The following ZC3H14 variants were observed in gnomAD, a reference collection of about 807,000 sequenced individuals.
ZC3H14 encodes zinc finger CCCH-type containing 14.
In ZC3H14, 31 loss-of-function variants were observed where a neutral mutation model predicts 92.4. The ratio of observed to expected loss-of-function variants is 0.34; its 90% CI spans 0.25 to 0.45. The LOEUF (loss-of-function observed/expected upper bound fraction) is 0.45, where lower values mean the gene tolerates loss of function less well. Ranked by LOEUF, ZC3H14 falls within the 20% of genes least tolerant of loss-of-function variation. The pLI, the probability that ZC3H14 is intolerant of heterozygous loss-of-function variation, is 1.00. For synonymous variants in ZC3H14, 321 were observed against 300.9 expected, an observed-to-expected ratio of 1.07 and a Z score of -0.69; for missense variants, 781 against 897.3, an observed-to-expected ratio of 0.87 and a Z score of 1.66.
At chr14:88,570,360 A>G (rs542551875) in intron 3 of ZC3H14, among the ~76,000 whole-genome samples, 2 of 152,194 alleles carry the variant, frequency 1.3e-5, no homozygotes, top group Non-Finnish European at 2.9e-5. Context: ...ATGTAAGGCA[A>G]AGTACCTCAT....
intron 13 of ZC3H14, chr14:88,608,543 G>A (rs1368170795): frequency 8.0e-6 from 2 of 251,480 alleles, no homozygotes; most frequent in African/African-American, 4.6e-5. Flanking sequence ...GCAAGGGTGG[G>A]GGGGCTTTGT....
At chr14:88,576,030 A>T in intron 8 of ZC3H14, 90 bp downstream of exon 8, 1 of 1,156,828 alleles carries the variant, frequency 8.6e-7, no homozygotes, top group Non-Finnish European at 1.3e-6. Flanking sequence ...ATTGTAAAAT[A>T]AAGGTGCCTG....
At chr14:88,606,402 G>C (rs1273758474) in intron 12 of ZC3H14, among the ~76,000 whole-genome samples, 1 of 152,172 alleles carries the variant, frequency 6.6e-6, no homozygotes, top group Non-Finnish European at 1.5e-5. Flanking sequence ...CAGTCTTGCT[G>C]TTAGGGGAAC....
intron 12 of ZC3H14, among the ~76,000 whole-genome samples, chr14:88,606,425 G>C (rs2085407577): frequency 6.6e-6 from 1 of 152,174 alleles, no homozygotes. Context: ...CCCAGTCTCT[G>C]TAAGTGATGG....
At chr14:88,570,665 G>A (rs908485693) in intron 3 of ZC3H14, among the ~76,000 whole-genome samples, 5 of 152,176 alleles carry the variant, frequency 3.3e-5, no homozygotes, top group Non-Finnish European at 7.3e-5. Context: ...CTGGTCAGAT[G>A]ATATTCTTTC....
At chr14:88,611,704 A>G (rs1302582654) in intron 16 of ZC3H14, 41 bp from the exon 17 acceptor site, 1 of 1,613,552 alleles carries the variant, frequency 6.2e-7, no homozygotes, top group Non-Finnish European at 8.5e-7. Context: ...ATATGGATAC[A>G]AAGCAGATAA....
At position 88,616,162 on chromosome 14, in the gene ZC3H14, A is replaced by T; in HGVS notation, c.*4411A>T. 1 of 1,613,930 alleles carries T rather than the reference A, an allele frequency of 6.2e-7. No homozygotes were observed. Among genetic ancestry groups the T allele is most frequent in the Non-Finnish European group, 8.5e-7 (1 of 1,179,818 alleles). ...CTAACCTGCAGTCATCACCTCCAGCACTAACAACATGTCGATCACCACTGG... is the reference window on the plus strand; with the variant it reads ...CTAACCTGCAGTCATCACCTCCAGCTCTAACAACATGTCGATCACCACTGG... On this transcript the variant is annotated 3_prime_UTR_variant, in exon 17 of 17. Transcript: ENST00000251038.
intron 9 of ZC3H14, among the ~76,000 whole-genome samples, chr14:88,583,595 A>G (rs991692238): frequency 4.6e-5 from 7 of 152,106 alleles, no homozygotes; most frequent in African/African-American, 1.7e-4. Context: ...TGTGTTTTCT[A>G]TACAGTATTT....
intron 9 of ZC3H14, chr14:88,595,119 C>G: frequency 6.2e-7 from 1 of 1,606,828 alleles, no homozygotes; most frequent in Non-Finnish European, 8.5e-7. Context: ...AAGGTAAACT[C>G]TTAATATATG....
rs1447844395 is a variant in ZC3H14 at position 88,612,368 on chromosome 14, T to A, written c.*617T>A. On this transcript the variant is annotated 3_prime_UTR_variant, in exon 17 of 17. Transcript: ENST00000251038. Reference sequence around the variant, plus strand: ...TTCCTGCCTTCTGTGACAGGATGAATGAGGTGGGTATGGACAGTGGAGGCA... The same window carrying A: ...TTCCTGCCTTCTGTGACAGGATGAAAGAGGTGGGTATGGACAGTGGAGGCA... 1 of 155,712 alleles carries A rather than the reference T, an allele frequency of 6.4e-6. No homozygotes were observed. Among genetic ancestry groups the A allele is most frequent in the East Asian group, 1.9e-4 (1 of 5,290 alleles). The allele number at this position is 155,712 out of a possible 1,614,324, so 9.6% of individuals were successfully genotyped here.
At position 88,574,700 on chromosome 14, in the gene ZC3H14, A is replaced by G. The variant is rs2080935390; in HGVS notation, c.869A>G (p.Asn290Ser). Residue 290 changes from asparagine to serine, a missense_variant, in exon 7 of 17, where the codon AAC (asparagine) becomes AGC (serine). By Grantham distance (46) the Asn-to-Ser change is conservative. Coordinates refer to ENST00000251038, the MANE Select transcript of ZC3H14 (RefSeq NM_024824.5). ...AATTTTATCTGATTGCAGGATGAAA[A>G]CTTTCGGAAGAGAAAGTTGCCTGTG... The part of the protein sequence containing the change: ...NSEKMSMEDE[N>S]FRKRKLPVVS... 2 of 1,614,064 alleles carry G rather than the reference A, an allele frequency of 1.2e-6. No homozygotes were observed. Among genetic ancestry groups the G allele is most frequent in the East Asian group, 4.5e-5 (2 of 44,874 alleles).
chr14:88,584,472 A>C lies in ZC3H14; in HGVS notation c.1279+6332A>C, dbSNP rs146615987. On this transcript the variant is annotated intron_variant, in intron 9 of 16. Coordinates refer to ENST00000251038, the MANE Select transcript of ZC3H14 (RefSeq NM_024824.5). ...TAATTTATCAAAATATATGCACACA[A>C]ACACAGACTTTACATGATACCGCTT... Among the ~76,000 whole-genome samples the C allele has an allele frequency of 3.0e-3, 455 of 152,348 alleles. 3 individuals are homozygous for C. The highest frequency in any genetic ancestry group is 0.011 in the African/African-American group (441 of 41,580).
At chr14:88,575,179 C>A (rs2080998994) in intron 7 of ZC3H14, among the ~76,000 whole-genome samples, 1 of 152,164 alleles carries the variant, frequency 6.6e-6, no homozygotes, top group African/African-American at 2.4e-5. Context: ...CTCAGGTGAT[C>A]TGCCCTCCTC....
At chr14:88,576,683 T>C (rs182593772) in intron 8 of ZC3H14, among the ~76,000 whole-genome samples, 1 of 152,364 alleles carries the variant, frequency 6.6e-6, no homozygotes, top group East Asian at 1.9e-4. Flanking sequence ...TAAGTTTTGC[T>C]GTGGATTTGG....
intron 13 of ZC3H14, among the ~76,000 whole-genome samples, chr14:88,607,693 ACCC>A (rs1410320765): frequency 8.1e-6 from 1 of 122,822 alleles, no homozygotes; most frequent in Admixed American, 8.5e-5. Context: ...TGCAAGTACC[ACCC>A]CCTCATCTCA....
chr14:88,598,824 C>T (rs185953976), intron 10 of ZC3H14, among the ~76,000 whole-genome samples: 10 of 152,316 alleles, frequency 6.6e-5, no homozygotes, highest in East Asian at 1.9e-4. Context: ...CAGTGGCTCA[C>T]GCCCATAATC....
intron 8 of ZC3H14, among the ~76,000 whole-genome samples, 199 bp downstream of exon 8, chr14:88,576,139 GT>G: frequency 6.6e-6 from 1 of 152,284 alleles, no homozygotes; most frequent in Non-Finnish European, 1.5e-5. Context: ...TTGGACTGTA[GT>G]TTTTCAAGCA....
chr14:88,608,898 GGA>G (rs2086067301), intron 13 of ZC3H14: 1 of 256,120 alleles, frequency 3.9e-6, no homozygotes, highest in Non-Finnish European at 7.5e-6. Flanking sequence ...GTACATATAA[GGA>G]GAGTATGGGA....
At chr14:88,566,021 C>G (rs1185607520) in intron 2 of ZC3H14, among the ~76,000 whole-genome samples, 1 of 25,166 alleles carries the variant, frequency 4.0e-5, no homozygotes, top group African/African-American at 1.1e-4. Flanking sequence ...GCACCTGCCA[C>G]CACCCCGCCC....
Sources: allele counts gnomAD v4.1 joint callset (sites outside exome capture counted in the v4.1 genomes callset), GRCh38; gene constraint gnomAD v4.1.1; transcripts MANE v1.5; gene names NCBI Gene and HGNC (gene_info 2026-07-23, HGNC 2026-07-21).